Variants in PCDH15 observed in about 807,000 individuals in gnomAD.
PCDH15 encodes the protein protocadherin related 15, also known as protocadherin-15.
PCDH15 carries 129 observed loss-of-function variants against 178.5 expected under a neutral mutation model. That is an observed-to-expected ratio of 0.72 (90% CI 0.63 to 0.84). The LOEUF (loss-of-function observed/expected upper bound fraction) is 0.84. PCDH15 is among the 40% of genes least tolerant of loss of function. The pLI, the probability that PCDH15 is intolerant of heterozygous loss-of-function variation, is 0.00. For synonymous variants in PCDH15, 800 were observed against 732.0 expected (o/e 1.09, Z -1.50); for missense variants, 2,230 against 2,099.9 (o/e 1.06, Z -1.21).
At chr10:55,150,768 A>G (rs529716641) in intron 2 of PCDH15, among the ~76,000 whole-genome samples, 1 of 152,156 alleles carries the variant, frequency 6.6e-6, no homozygotes, top group African/African-American at 2.4e-5. Context: ...TTGGAATTCA[A>G]GTTTTACTAG....
At chr10:54,323,071 T>C (rs61853346) in intron 7 of PCDH15, among the ~76,000 whole-genome samples, 38,354 of 152,040 alleles carry the variant, frequency 0.25, 5,271 homozygotes, top group African/African-American at 0.37. Context: ...CAGACACTTC[T>C]CAAAATAAGA....
chr10:54,680,599 T>C (rs1301119896), intron 1 of PCDH15, among the ~76,000 whole-genome samples: 1 of 152,158 alleles, frequency 6.6e-6, no homozygotes, highest in East Asian at 1.9e-4. Flanking sequence ...TCCCCATGTG[T>C]CAAGGGTGGG....
At chr10:55,338,454 T>C (rs1844457645) in intron 2 of PCDH15, among the ~76,000 whole-genome samples, 1 of 152,146 alleles carries the variant, frequency 6.6e-6, no homozygotes, top group Non-Finnish European at 1.5e-5. Flanking sequence ...CACAAAAGAA[T>C]ATTATTCTTA....
At chr10:54,588,495 C>A (rs2091654235) in intron 2 of PCDH15, among the ~76,000 whole-genome samples, 1 of 152,126 alleles carries the variant, frequency 6.6e-6, no homozygotes, top group African/African-American at 2.4e-5. Flanking sequence ...TCATAACCAA[C>A]AGGTTTAAAG....
chr10:55,054,234 G>C (rs1345675222), intron 2 of PCDH15, among the ~76,000 whole-genome samples: 1 of 152,072 alleles, frequency 6.6e-6, no homozygotes, highest in Non-Finnish European at 1.5e-5. Context: ...GTGTCTATGT[G>C]TTTTCATCAT....
chr10:54,432,473 T>C (rs1341075944), intron 3 of PCDH15, among the ~76,000 whole-genome samples: 1 of 152,056 alleles, frequency 6.6e-6, no homozygotes, highest in Non-Finnish European at 1.5e-5. Context: ...AAACATACAT[T>C]GGGGAAAAGA....
At chr10:54,220,596 CG>C (rs980364045) in intron 9 of PCDH15, among the ~76,000 whole-genome samples, 11 of 152,090 alleles carry the variant, frequency 7.2e-5, no homozygotes, top group Admixed American at 4.6e-4. Flanking sequence ...GAGGCCGAGA[CG>C]GGCGGATCAC....
intron 23 of PCDH15, among the ~76,000 whole-genome samples, chr10:53,958,280 G>A (rs926999572): frequency 6.6e-6 from 1 of 151,938 alleles, no homozygotes; most frequent in East Asian, 1.9e-4. Context: ...AAAATATTCT[G>A]GAATTTAATG....
chr10:54,841,336 AAG>A (rs1050106166), intron 3 of PCDH15, among the ~76,000 whole-genome samples: 1 of 151,868 alleles, frequency 6.6e-6, no homozygotes, highest in African/African-American at 2.4e-5. Flanking sequence ...AGAAGAAATA[AAG>A]AGAGAAATAA....
intron 1 of PCDH15, among the ~76,000 whole-genome samples, chr10:54,687,406 C>T (rs984099650): frequency 2.6e-5 from 4 of 152,120 alleles, no homozygotes; most frequent in Non-Finnish European, 4.4e-5. Context: ...GATGTGGAAA[C>T]AACCTAAATG....
At chr10:55,564,178 T>C (rs1312056779) in intron 2 of PCDH15, among the ~76,000 whole-genome samples, 1 of 151,754 alleles carries the variant, frequency 6.6e-6, no homozygotes, top group Non-Finnish European at 1.5e-5. Flanking sequence ...AGAATACTAA[T>C]ATATTTAAAA....
At chr10:53,990,798 G>A (rs1242189406) in intron 21 of PCDH15, among the ~76,000 whole-genome samples, 1 of 152,030 alleles carries the variant, frequency 6.6e-6, no homozygotes, top group East Asian at 1.9e-4. Flanking sequence ...CCTGCTTGCA[G>A]GGAGGTGTGG....
At chr10:53,856,279 G>A (rs958466481) in intron 28 of PCDH15, among the ~76,000 whole-genome samples, 12 of 151,602 alleles carry the variant, frequency 7.9e-5, no homozygotes, top group African/African-American at 2.9e-4. Context: ...CTAAATTAGG[G>A]TAATTAAGGG....
chr10:54,853,079 G>A (rs1953655840), intron 3 of PCDH15, among the ~76,000 whole-genome samples: 1 of 150,132 alleles, frequency 6.7e-6, no homozygotes, highest in South Asian at 2.1e-4. Context: ...TGACCAATGT[G>A]GAGAAACCCC....
rs1942950926 is a variant in PCDH15 at position 54,728,865 on chromosome 10, T to G, written c.-28-64575A>C. 2.0e-5 allele frequency among the ~76,000 whole-genome samples: 3 copies of G among 151,300 alleles called. No homozygotes were observed. The Admixed American group carries it at 2.0e-4, about 10-fold the overall frequency. ...TAAAATACCTAGAAAAACAGCTAAC[T>G]AGGGAGGTGAAAATATTTACAATTA... On this transcript the variant is annotated intron_variant, in intron 1 of 37. Transcript: ENST00000644397.
intron 2 of PCDH15, among the ~76,000 whole-genome samples, chr10:54,604,314 A>G (rs1385545478): frequency 1.3e-4 from 20 of 151,932 alleles, no homozygotes. Context: ...CTATTGTTCA[A>G]GTAAGCTGTT....
At chr10:55,348,174 T>TAGCTATTTA (rs1388339721) in intron 2 of PCDH15, among the ~76,000 whole-genome samples, 1 of 152,172 alleles carries the variant, frequency 6.6e-6, no homozygotes, top group Non-Finnish European at 1.5e-5. Flanking sequence ...TATAGACATT[T>TAGCTATTTA]AGCTATTTAA....
chr10:54,527,909 T>C, intron 2 of PCDH15, 32 bp from the exon 3 acceptor site: 1 of 1,549,568 alleles, frequency 6.5e-7, no homozygotes, highest in Non-Finnish European at 8.9e-7. Context: ...AAGTAATAAT[T>C]GACTGCAGGG....
intron 3 of PCDH15, among the ~76,000 whole-genome samples, chr10:54,521,305 T>G (rs1486719159): frequency 1.3e-5 from 2 of 152,152 alleles, no homozygotes; most frequent in Non-Finnish European, 2.9e-5. Context: ...CCCTCATATC[T>G]CTAAATAAAC....
Sources: allele counts gnomAD v4.1 joint callset (sites outside exome capture counted in the v4.1 genomes callset), GRCh38; gene constraint gnomAD v4.1.1; transcripts MANE v1.5; gene names NCBI Gene and HGNC (gene_info 2026-07-23, HGNC 2026-07-21).